Variants in EXT2 observed in about 807,000 individuals in gnomAD.
The protein encoded by EXT2 is exostosin glycosyltransferase 2, also known as exostosin-2.
A neutral mutation model predicts 81.6 loss-of-function variants in EXT2; 53 were observed. That is an observed-to-expected ratio of 0.65 (90% CI 0.52 to 0.82). The LOEUF is 0.82. Ranked by LOEUF, EXT2 falls within the 40% of genes least tolerant of loss-of-function variation. The pLI is 0.00. For synonymous variants in EXT2, 320 were observed against 340.0 expected (o/e 0.94, Z 0.65); for missense variants, 774 against 910.2 (o/e 0.85, Z 1.93).
intron 12 of EXT2, among the ~76,000 whole-genome samples, 194 bp downstream of exon 12, chr11:44,234,437 C>CT (rs1238471737): frequency 6.6e-6 from 1 of 152,048 alleles, no homozygotes; most frequent in Admixed American, 6.6e-5. Flanking sequence ...AACATATTTT[C>CT]TTTTTTTATA....
At chr11:44,184,165 C>T (rs571128461) in intron 8 of EXT2, among the ~76,000 whole-genome samples, 1 of 152,334 alleles carries the variant, frequency 6.6e-6, no homozygotes, top group Non-Finnish European at 1.5e-5. Flanking sequence ...TGAGCCCCAG[C>T]CTCTGTTAAA....
intron 3 of EXT2, among the ~76,000 whole-genome samples, chr11:44,112,782 G>A (rs1407190521): frequency 6.6e-6 from 1 of 152,138 alleles, no homozygotes; most frequent in Non-Finnish European, 1.5e-5. Flanking sequence ...GGGGCCCCGG[G>A]GACAGAATAA....
chr11:44,119,147 T>TATATATATATATATATATAC (rs1954272543), intron 4 of EXT2, among the ~76,000 whole-genome samples: 1 of 49,404 alleles, frequency 2.0e-5, no homozygotes, highest in Non-Finnish European at 4.5e-5. Context: ...TATATATATA[T>TATATATATATATATATATAC]ATATATATAT....
At position 44,119,122 on chromosome 11, in the gene EXT2, ATT is replaced by A. The variant is rs1163191238; in HGVS notation, c.743+4823_743+4824del. Among the ~76,000 whole-genome samples, 110 of 45,450 alleles carry A rather than the reference ATT, an allele frequency of 2.4e-3. 3 individuals are homozygous for A. Among genetic ancestry groups the A allele is most frequent in the South Asian group, 0.013 (14 of 1,076 alleles). 29.8% of individuals were successfully genotyped at this position (45,450 alleles called of 152,430 possible). A position where few individuals can be genotyped will look rare whatever the true frequency, so the allele number is the denominator to read the frequency against. ...TATGTCCCCCAGGGGACATTTGGCT[ATT>A]TATATATATATATATATATATATAT... On this transcript the variant is annotated intron_variant, in intron 4 of 13. Coordinates refer to ENST00000533608, the MANE Select transcript of EXT2 (RefSeq NM_207122.2).
rs543836186 is a variant in EXT2, at chr11:44,246,402, C to T, written c.*2115C>T. On this transcript the variant is annotated 3_prime_UTR_variant, in exon 14 of 14. Coordinates refer to ENST00000533608, the MANE Select transcript of EXT2 (RefSeq NM_207122.2). ...TTTTTAAATTTTTATTTTTTAAAAT[C>T]TTGAGAGTCCTTTGATTTGGGAAGA... 3.3e-5 allele frequency among the ~76,000 whole-genome samples: 5 copies of T among 152,238 alleles called. No individual in the cohort carries two copies. The East Asian group carries it at 9.6e-4, about 29-fold the overall frequency.
At chr11:44,183,679 T>TC (rs1464878813) in intron 8 of EXT2, among the ~76,000 whole-genome samples, 1 of 152,194 alleles carries the variant, frequency 6.6e-6, no homozygotes, top group East Asian at 1.9e-4. Context: ...GATAACTTTT[T>TC]CACATCTATT....
intron 11 of EXT2, among the ~76,000 whole-genome samples, chr11:44,232,765 C>T (rs969143298): frequency 6.6e-6 from 1 of 152,146 alleles, no homozygotes; most frequent in East Asian, 1.9e-4. Context: ...TCCAGCTTGC[C>T]GTTTATTTAT....
At chr11:44,141,992 A>G (rs779005947) in intron 7 of EXT2, among the ~76,000 whole-genome samples, 1 of 152,134 alleles carries the variant, frequency 6.6e-6, no homozygotes, top group African/African-American at 2.4e-5. Context: ...TCAAGTGTCA[A>G]TGTGTTTGGT....
At chr11:44,162,680 G>T (rs1199034394) in intron 7 of EXT2, among the ~76,000 whole-genome samples, 3 of 151,962 alleles carry the variant, frequency 2.0e-5, no homozygotes, top group Non-Finnish European at 2.9e-5. Flanking sequence ...CTGCAGTTAG[G>T]TGAACCATTG....
rs188617775 is a variant in EXT2, at chr11:44,208,753, G to A, written c.1662+1794G>A. On this transcript the variant is annotated intron_variant, in intron 10 of 13. Transcript: ENST00000533608. Reference sequence around the variant, plus strand: ...AGGTATGTTTTTCTTATTCTGTGCTGAGACTAAGTAAGGTTAGATAACTTG... The same window carrying A: ...AGGTATGTTTTTCTTATTCTGTGCTAAGACTAAGTAAGGTTAGATAACTTG... 1.1e-3 allele frequency among the ~76,000 whole-genome samples: 173 copies of A among 152,278 alleles called. 1 individual carries two copies. Among genetic ancestry groups the A allele is most frequent in the Non-Finnish European group, 1.7e-3 (119 of 68,024 alleles).
intron 7 of EXT2, among the ~76,000 whole-genome samples, chr11:44,157,259 C>T (rs923614372): frequency 2.0e-5 from 3 of 152,190 alleles, no homozygotes; most frequent in African/African-American, 7.2e-5. Flanking sequence ...ACTTAGGCTC[C>T]AGGGGCTCTT....
intron 8 of EXT2, among the ~76,000 whole-genome samples, chr11:44,177,367 T>C (rs1955172791): frequency 6.6e-6 from 1 of 152,268 alleles, no homozygotes; most frequent in South Asian, 2.1e-4. Context: ...ATATTACTTC[T>C]AACTTTTATG....
At chr11:44,233,992 C>T in intron 11 of EXT2, 123 bp from the exon 12 acceptor site, 1 of 1,371,156 alleles carries the variant, frequency 7.3e-7, no homozygotes, top group Non-Finnish European at 1.0e-6. Context: ...CCTATTAATA[C>T]AGCCTTGTGA....
At position 44,244,591 on chromosome 11, in the gene EXT2, T is replaced by C; in HGVS notation, c.*304T>C. On this transcript the variant is annotated 3_prime_UTR_variant, in exon 14 of 14. Coordinates refer to ENST00000533608, the MANE Select transcript of EXT2 (RefSeq NM_207122.2). The stretch of plus-strand genomic sequence containing the variant: ...AAATCCAGCTGAGGCTCCCTTTGTT[T>C]TCAGTTCCATGTAACAATCTGGAAG... 1 of 443,506 alleles carries C rather than the reference T, an allele frequency of 2.3e-6. No homozygotes were observed. Among genetic ancestry groups the C allele is most frequent in the Non-Finnish European group, 4.2e-6 (1 of 238,298 alleles). The allele number at this position is 443,506 out of a possible 1,614,324, so 27.5% of individuals were successfully genotyped here.
intron 9 of EXT2, among the ~76,000 whole-genome samples, chr11:44,205,214 T>C (rs1441466520): frequency 6.6e-6 from 1 of 152,204 alleles, no homozygotes; most frequent in Non-Finnish European, 1.5e-5. Flanking sequence ...TGAATTACAG[T>C]GCATCTGTAA....
chr11:44,096,150 C>T, intron 1 of EXT2: 4 of 1,153,900 alleles, frequency 3.5e-6, no homozygotes, highest in Non-Finnish European at 5.0e-6. Flanking sequence ...CCAGTCCGCT[C>T]CTTCCTTTCC....
At chr11:44,110,937 T>C in intron 3 of EXT2, among the ~76,000 whole-genome samples, 1 of 152,210 alleles carries the variant, frequency 6.6e-6, no homozygotes, top group Non-Finnish European at 1.5e-5. Flanking sequence ...GGTGGCCTTC[T>C]TGTTGGGGTA....
chr11:44,161,590 C>A (rs966939766), intron 7 of EXT2, among the ~76,000 whole-genome samples: 2 of 152,022 alleles, frequency 1.3e-5, no homozygotes, highest in African/African-American at 4.8e-5. Context: ...GTGCTAAATT[C>A]TTTGATACTT....
intron 7 of EXT2, among the ~76,000 whole-genome samples, chr11:44,155,060 T>C (rs1954839801): frequency 6.6e-6 from 1 of 152,174 alleles, no homozygotes; most frequent in Non-Finnish European, 1.5e-5. Flanking sequence ...CTTTTGGTTG[T>C]CTCTTCATTT....
Sources: gnomAD v4.1 joint callset for allele counts (sites outside exome capture counted in the v4.1 genomes callset) on GRCh38, gnomAD v4.1.1 for gene constraint, MANE v1.5 for transcripts, NCBI Gene and HGNC (gene_info 2026-07-23, HGNC 2026-07-21) for gene names.